The following UBE3B variants were observed in gnomAD, a reference collection of about 807,000 sequenced individuals.
UBE3B encodes ubiquitin-protein ligase E3B.
A neutral mutation model predicts 132.3 loss-of-function variants in UBE3B; 80 were observed. The observed-to-expected ratio is 0.60, with a 90% CI of 0.50 to 0.73. The LOEUF (loss-of-function observed/expected upper bound fraction) is 0.73, where lower values mean the gene tolerates loss of function less well. UBE3B is among the 30% of genes least tolerant of loss of function. The pLI is 0.00. For synonymous variants in UBE3B, 487 were observed against 520.4 expected (o/e 0.94, Z 0.87); for missense variants, 1,196 against 1,362.5 (o/e 0.88, Z 1.92).
chr12:109,507,224 A>T (rs957818246), intron 14 of UBE3B, among the ~76,000 whole-genome samples: 1 of 152,230 alleles, frequency 6.6e-6, no homozygotes, highest in African/African-American at 2.4e-5. Flanking sequence ...GCTCTGACAT[A>T]CAGGCTGTGT....
rs1883223877 is a variant in UBE3B, at chr12:109,534,019, G to C, written c.3015+461G>C. On this transcript the variant is annotated intron_variant, in intron 27 of 27. Coordinates refer to ENST00000342494, the MANE Select transcript of UBE3B (RefSeq NM_130466.4). This position sits in a 1 kb window ranked among gnomAD's most constrained non-coding sequence, Gnocchi z 5.2. ...GAGAAGGAAAGCCTTCAGGGTTACG[G>C]AGCTCTGTGTGTCTCAAGCCTGGCC... 1.5e-6 allele frequency: 2 copies of C among 1,295,242 alleles called. No individual in the cohort carries two copies. Among genetic ancestry groups the C allele is most frequent in the Admixed American group, 2.3e-5 (1 of 43,710 alleles). 80.2% of individuals were successfully genotyped at this position (1,295,242 alleles called of 1,614,324 possible).
At chr12:109,486,390 T>C (rs1324021521) in intron 5 of UBE3B, 81 bp from the exon 6 acceptor site, 4 of 1,157,342 alleles carry the variant, frequency 3.5e-6, no homozygotes, top group Admixed American at 2.2e-5. Flanking sequence ...ACCTAACTAA[T>C]AGGTCCAGTT....
At chr12:109,505,695 T>C (rs551049383) in intron 14 of UBE3B, among the ~76,000 whole-genome samples, 1 of 152,304 alleles carries the variant, frequency 6.6e-6, no homozygotes, top group East Asian at 1.9e-4. Flanking sequence ...CCCTTGAAAA[T>C]GTGAGGTCTA....
At chr12:109,508,557 G>C in intron 15 of UBE3B, 4 of 985,494 alleles carry the variant, frequency 4.1e-6, no homozygotes, top group Non-Finnish European at 4.8e-6. Flanking sequence ...AAGATACAAT[G>C]GACCTCAGGC....
At chr12:109,533,652 C>A (rs951148282) in intron 27 of UBE3B, 94 bp downstream of exon 27, 5 of 1,235,486 alleles carry the variant, frequency 4.0e-6, no homozygotes, top group Non-Finnish European at 5.9e-6. Flanking sequence ...TAGTCCATAT[C>A]TCAGCAAGGC....
chr12:109,479,866 G>A (rs1430004684), intron 1 of UBE3B, among the ~76,000 whole-genome samples: 2 of 152,180 alleles, frequency 1.3e-5, no homozygotes, highest in Non-Finnish European at 2.9e-5. Context: ...ATGCAACTTT[G>A]TTTTTCTTTT....
Position 109,503,033 on chromosome 12 carries a change from G to A in UBE3B, c.1293G>A (p.Lys431=), listed in dbSNP as rs376987184. 1 of 1,614,152 alleles carries A rather than the reference G, an allele frequency of 6.2e-7. No homozygotes were observed. Among genetic ancestry groups the A allele is most frequent in the Non-Finnish European group, 8.5e-7 (1 of 1,180,024 alleles). Residue 431 remains lysine, a synonymous_variant, in exon 14 of 28, where the codon AAG becomes AAA. Coordinates refer to ENST00000342494, the MANE Select transcript of UBE3B (RefSeq NM_130466.4). ...QNVLPVKSLL[K]RAFQKSASVR... ...TTTTCTCCATGCCAGGTCTCCTAAA[G>A]CGTGCTTTTCAAAAGTCGGCATCAG...
In UBE3B at chr12:109,536,150, T is replaced by C. The variant is rs1398593628; in HGVS notation, c.*1368T>C. On this transcript the variant is annotated 3_prime_UTR_variant, in exon 28 of 28. Coordinates refer to ENST00000342494, the MANE Select transcript of UBE3B (RefSeq NM_130466.4). Reference sequence around the variant, plus strand: ...GCTGCATCCTGGTGTCCCACCCAGGTCGAGCCCCCAGGCTTCTGGAAAAGA... The same window carrying C: ...GCTGCATCCTGGTGTCCCACCCAGGCCGAGCCCCCAGGCTTCTGGAAAAGA... The C allele has an allele frequency of 6.6e-6, 1 of 152,258 alleles. No homozygotes were observed. Among genetic ancestry groups the C allele is most frequent in the African/African-American group, 2.4e-5 (1 of 41,464 alleles). The allele number at this position is 152,258 out of a possible 1,614,324, so 9.4% of individuals were successfully genotyped here.
intron 5 of UBE3B, 47 bp from the exon 6 acceptor site, chr12:109,486,424 A>G: frequency 6.9e-7 from 1 of 1,447,340 alleles, no homozygotes; most frequent in African/African-American, 1.4e-5. Context: ...CACAAGTGAT[A>G]TGATCTCTAT....
At chr12:109,541,912 C>G in the UBE3B span, among the ~76,000 whole-genome samples, 1 of 152,120 alleles carries the variant, frequency 6.6e-6, no homozygotes, top group East Asian at 1.9e-4. Context: ...GAATTAGGAC[C>G]CACCCTCACC....
rs1770218290 is a variant in UBE3B, at chr12:109,501,479, C to T, written c.1227C>T (p.Ser409=). Residue 409 remains serine (S), a synonymous_variant, in exon 13 of 28, where the codon AGC becomes AGT. Transcript: ENST00000342494. ...TCCTGAGCAAGAAGCTACTGGAGAG[C>T]CAGGAGCCAGCCCACGCACAGCCAG... ...CDILSKKLLE[S]QEPAHAQPAS... is the part of the protein sequence containing the mutation. 1 of 1,614,052 alleles carries T rather than the reference C, an allele frequency of 6.2e-7. No individual in the cohort carries two copies.
chr12:109,540,767 G>A (rs1362162508), downstream of UBE3B, among the ~76,000 whole-genome samples: 1 of 152,218 alleles, frequency 6.6e-6, no homozygotes, highest in African/African-American at 2.4e-5. Context: ...AAACTAGCCT[G>A]CCTTATGCTG....
intron 11 of UBE3B, 54 bp from the exon 12 acceptor site, chr12:109,499,579 G>A (rs1476408847): frequency 9.5e-6 from 14 of 1,468,264 alleles, no homozygotes; most frequent in Non-Finnish European, 1.2e-5. Flanking sequence ...GCAGGGCCGG[G>A]AGGCACCAAA....
Position 109,521,645 on chromosome 12 carries a change from T to A in UBE3B, c.2364+94T>A. On this transcript the variant is annotated intron_variant, in intron 21 of 27. Transcript: ENST00000342494. The surrounding 1 kb of genome is among the most constrained non-coding windows in gnomAD (Gnocchi z 4.2). ...ACATATGTGATCAGGCTTGGCCATG[T>A]AAACTGTCACTAGGATACAAGCGAG... The A allele has an allele frequency of 8.5e-7, 1 of 1,177,446 alleles. No individual in the cohort carries two copies. The highest frequency in any genetic ancestry group is 1.2e-6 in the Non-Finnish European group (1 of 851,600). 72.9% of individuals were successfully genotyped at this position (1,177,446 alleles called of 1,614,324 possible). A position where few individuals can be genotyped will look rare whatever the true frequency, so the allele number is the denominator to read the frequency against.
chr12:109,531,891 G>A (rs151113180), intron 26 of UBE3B, among the ~76,000 whole-genome samples: 1 of 152,200 alleles, frequency 6.6e-6, no homozygotes, highest in East Asian at 1.9e-4. Flanking sequence ...CAAAACAGGT[G>A]TGTTTGTGCC....
intron 14 of UBE3B, among the ~76,000 whole-genome samples, chr12:109,506,208 AG>A (rs1320583010): frequency 6.6e-6 from 1 of 152,238 alleles, no homozygotes; most frequent in East Asian, 1.9e-4. Context: ...AGTGGGGGGA[AG>A]CTTTGCCAAA....
Position 109,534,948 on chromosome 12 carries a change from C to T in UBE3B, c.*166C>T, listed in dbSNP as rs920153708. On this transcript the variant is annotated 3_prime_UTR_variant, in exon 28 of 28. Transcript: ENST00000342494. This position sits in a 1 kb window ranked among gnomAD's most constrained non-coding sequence, Gnocchi z 5.2. ...TGGCCTCAAGAAATTTAGACGCCCA[C>T]GACAGCACTACACAGCATCTCCAGG... 9.1e-5 allele frequency: 45 copies of T among 493,526 alleles called. No individual in the cohort carries two copies. The highest frequency in any genetic ancestry group is 3.2e-4 in the African/African-American group (16 of 49,778). 30.6% of individuals were successfully genotyped at this position (493,526 alleles called of 1,614,324 possible).
At chr12:109,528,832 A>T (rs1180465872) in intron 24 of UBE3B, among the ~76,000 whole-genome samples, 6 of 149,758 alleles carry the variant, frequency 4.0e-5, no homozygotes. Context: ...ATGGGCGACA[A>T]GAATGAAACT....
Position 109,498,238 on chromosome 12 carries a change from C to T in UBE3B, c.825C>T (p.Leu275=), listed in dbSNP as rs1333870719. 2 of 1,614,014 alleles carry T rather than the reference C, an allele frequency of 1.2e-6. No homozygotes were observed. The highest frequency in any genetic ancestry group is 1.1e-5 in the South Asian group (1 of 91,012). ...CGGTCTGCTATTCTTTGCAGCGCCT[C>T]ACTGTTTTAGAATCCCATGACATGC... ...THLSTVTPER[L]TVLESHDMLR... Residue 275 remains leucine, a synonymous_variant, in exon 11 of 28, where the codon CTC becomes CTT. Transcript: ENST00000342494.
Sources: allele counts gnomAD v4.1 joint callset (sites outside exome capture counted in the v4.1 genomes callset), GRCh38; gene constraint gnomAD v4.1.1; non-coding constraint Gnocchi (gnomAD v3.1); transcripts MANE v1.5; gene names NCBI Gene and HGNC (gene_info 2026-07-23, HGNC 2026-07-21).